Variants in DEPDC7 observed in about 807,000 individuals in gnomAD.
DEPDC7 encodes the protein DEP domain containing 7.
DEPDC7 carries 41 observed loss-of-function variants against 56.6 expected under a neutral mutation model. That is an observed-to-expected ratio of 0.72 (90% CI 0.56 to 0.94). The LOEUF is 0.94. DEPDC7 is among the 40% of genes least tolerant of loss of function. The probability of loss-of-function intolerance (pLI) is 0.00; values close to 1 mark genes in which losing one functional copy is unlikely to be tolerated. For synonymous variants in DEPDC7, 185 were observed against 208.8 expected, an observed-to-expected ratio of 0.89 and a Z score of 0.98; for missense variants, 522 against 596.3, an observed-to-expected ratio of 0.88 and a Z score of 1.30.
intron 1 of DEPDC7, among the ~76,000 whole-genome samples, chr11:33,018,842 A>T (rs1590206127): frequency 6.6e-6 from 1 of 152,336 alleles, no homozygotes; most frequent in East Asian, 1.9e-4. Context: ...TCATGTAATG[A>T]ATCTACTCTT....
chr11:33,026,609 G>A (rs1042921214), intron 2 of DEPDC7: 20 of 166,382 alleles, frequency 1.2e-4, no homozygotes, highest in Non-Finnish European at 2.4e-4. Flanking sequence ...ATTCATTTTC[G>A]TGTGTGTGTA....
At chr11:33,031,205 G>A (rs868141819) in intron 4 of DEPDC7, among the ~76,000 whole-genome samples, 173 bp from the exon 5 acceptor site, 2 of 152,192 alleles carry the variant, frequency 1.3e-5, no homozygotes, top group South Asian at 4.1e-4. Context: ...AATGTGATAC[G>A]TGATCTAGCT....
In DEPDC7 at chr11:33,032,396, T is replaced by C. The variant is rs760008230; in HGVS notation, c.1055T>C (p.Phe352Ser). 6.3e-7 allele frequency: 1 copy of C among 1,580,636 alleles called. No individual in the cohort carries two copies. Among genetic ancestry groups the C allele is most frequent in the South Asian group, 1.2e-5 (1 of 84,610 alleles). The change falls in exon 6 of 9, where the codon TTC becomes TCC. Residue 352 changes from phenylalanine to serine, a missense_variant. By Grantham distance (155) the Phe-to-Ser change is radical. Transcript: ENST00000241051. ...CAGCTCCTTCTAAAGCTTTTAGATTTCCAAAATAGAGAAGAATTTAGAAGA... is the reference window on the plus strand; with the variant it reads ...CAGCTCCTTCTAAAGCTTTTAGATTCCCAAAATAGAGAAGAATTTAGAAGA... ...ATQLLLKLLD[F>S]QNREEFRRLL...
In DEPDC7 at chr11:33,016,338, G is replaced by T. The variant is rs1032759810; in HGVS notation, c.73+310G>T. On this transcript the variant is annotated intron_variant, in intron 1 of 8. Coordinates refer to ENST00000241051, the MANE Select transcript of DEPDC7 (RefSeq NM_001077242.2). ...CCCGCTAACGTGCCAGGCACGCGCC[G>T]GGGAGCTCCGGGATATGCTCCGCGG... The T allele has an allele frequency of 5.7e-6, 8 of 1,399,620 alleles. 1 individual carries two copies. In the South Asian group the frequency reaches 1.4e-4, roughly 24 times the overall value. The allele number at this position is 1,399,620 out of a possible 1,614,324, so 86.7% of individuals were successfully genotyped here.
In DEPDC7 at chr11:33,031,374, A is replaced by G. The variant is rs138124613; in HGVS notation, c.783-4A>G. ...TTTAAATAATCTTCCCCTCTCCCCT[A>G]TAGGGAAGATGAGTGGCTCTCGGCA... On this transcript the variant is annotated splice_polypyrimidine_tract_variant and splice_region_variant and intron_variant, in intron 4 of 8. Transcript: ENST00000241051. The G allele has an allele frequency of 2.5e-4, 408 of 1,608,930 alleles. No homozygotes were observed. In the East Asian group the frequency reaches 7.6e-3, roughly 30 times the overall value.
At chr11:33,019,197 C>G (rs763169486) in intron 1 of DEPDC7, among the ~76,000 whole-genome samples, 1 of 152,106 alleles carries the variant, frequency 6.6e-6, no homozygotes, top group Admixed American at 6.5e-5. Context: ...GCACTACTGA[C>G]GTTTTCTTTG....
chr11:33,028,414 C>A, intron 3 of DEPDC7, 189 bp from the exon 4 acceptor site: 1 of 465,444 alleles, frequency 2.1e-6, no homozygotes, highest in Non-Finnish European at 3.7e-6. Flanking sequence ...TTGTCCAAAG[C>A]CTATTCTCCT....
At chr11:33,021,921 G>GATT (rs1376900194) in intron 1 of DEPDC7, among the ~76,000 whole-genome samples, 1 of 152,170 alleles carries the variant, frequency 6.6e-6, no homozygotes, top group Non-Finnish European at 1.5e-5. Flanking sequence ...CTTCTGTGAA[G>GATT]ATTAGCCTTT....
chr11:33,026,100 A>G, intron 2 of DEPDC7, 51 bp downstream of exon 2: 3 of 1,597,804 alleles, frequency 1.9e-6, no homozygotes, highest in Non-Finnish European at 2.6e-6. Context: ...GATTTTGTCT[A>G]CCTTTTTATG....
chr11:33,024,610 G>C (rs1853558181), intron 1 of DEPDC7, among the ~76,000 whole-genome samples: 2 of 152,102 alleles, frequency 1.3e-5, no homozygotes, highest in African/African-American at 4.8e-5. Flanking sequence ...TTGCTCTTAG[G>C]CCACAAACCT....
At chr11:33,016,968 A>G (rs1292440401) in intron 1 of DEPDC7, among the ~76,000 whole-genome samples, 1 of 152,166 alleles carries the variant, frequency 6.6e-6, no homozygotes, top group Non-Finnish European at 1.5e-5. Flanking sequence ...ATTTGTAAAA[A>G]CACCAACCAG....
intron 1 of DEPDC7, among the ~76,000 whole-genome samples, chr11:33,018,987 A>G (rs1298099652): frequency 6.6e-6 from 1 of 152,342 alleles, no homozygotes; most frequent in South Asian, 2.1e-4. Context: ...TCTGTTTTGC[A>G]ACAGAAAAGT....
At position 33,033,310 on chromosome 11, in the gene DEPDC7, C is replaced by T. The variant is rs17852859; in HGVS notation, c.1391C>T (p.Thr464Ile). ...RIDQRDYSNN[T>I]EKTTKDELLN... ...GATCAACGTGACTATTCCAACAATA[C>T]AGAGAAGACAACCAAAGATGAGCTG... The change falls in exon 9 of 9, where the codon ACA becomes ATA. Residue 464 changes from threonine to isoleucine, a missense_variant. Physicochemically the swap from Thr to Ile is moderately conservative, Grantham distance 89. Coordinates refer to ENST00000241051, the MANE Select transcript of DEPDC7 (RefSeq NM_001077242.2). 58,387 of 1,605,604 alleles carry T rather than the reference C, an allele frequency of 0.036. 1,334 individuals are homozygous for T. The highest frequency in any genetic ancestry group is 0.043 in the Non-Finnish European group (50,666 of 1,176,974).
In DEPDC7 at chr11:33,015,962, A is replaced by T; in HGVS notation, c.7A>T (p.Thr3Ser). ...CGTCCGGGGAGCAAGGGCCATGGCC[A>T]CCGTGCAGGAGAAGGCTGCTGCGCT... MA[T>S]VQEKAAALNL... Residue 3 changes from threonine to serine, a missense_variant, in exon 1 of 9, where the codon ACC (threonine) becomes TCC (serine). Transcript: ENST00000241051. 6.3e-7 allele frequency: 1 copy of T among 1,576,700 alleles called. No individual in the cohort carries two copies. Among genetic ancestry groups the T allele is most frequent in the Non-Finnish European group, 8.6e-7 (1 of 1,162,220 alleles).
At chr11:33,027,588 C>T in intron 2 of DEPDC7, 98 bp from the exon 3 acceptor site, 1 of 1,142,906 alleles carries the variant, frequency 8.7e-7, no homozygotes, top group Non-Finnish European at 1.2e-6. Context: ...TGTTTTTGCT[C>T]TGAAATGCAT....
chr11:33,020,485 T>C (rs948857474), intron 1 of DEPDC7, among the ~76,000 whole-genome samples: 2 of 152,228 alleles, frequency 1.3e-5, no homozygotes, highest in South Asian at 4.1e-4. Flanking sequence ...AATCAAATTA[T>C]TCCTGAGCCT....
intron 1 of DEPDC7, among the ~76,000 whole-genome samples, chr11:33,024,273 C>T (rs1459006682): frequency 2.0e-5 from 3 of 152,228 alleles, no homozygotes; most frequent in African/African-American, 7.2e-5. Flanking sequence ...TTGCTTTCTT[C>T]TGTGCGTACT....
chr11:33,018,823 A>G (rs1449299996), intron 1 of DEPDC7, among the ~76,000 whole-genome samples: 1 of 152,176 alleles, frequency 6.6e-6, no homozygotes, highest in Non-Finnish European at 1.5e-5. Flanking sequence ...ATTATATTAC[A>G]TTCAGTTGTC....
intron 1 of DEPDC7, among the ~76,000 whole-genome samples, chr11:33,022,644 G>A (rs1590207281): frequency 6.6e-6 from 1 of 152,178 alleles, no homozygotes; most frequent in East Asian, 1.9e-4. Flanking sequence ...ATTTTAGGAA[G>A]TTAAGAATAT....
Sources: allele counts gnomAD v4.1 joint callset (sites outside exome capture counted in the v4.1 genomes callset), GRCh38; gene constraint gnomAD v4.1.1; transcripts MANE v1.5; gene names NCBI Gene and HGNC (gene_info 2026-07-23, HGNC 2026-07-21).